Variants in ANO3 observed in about 807,000 individuals in gnomAD.
The protein encoded by ANO3 is anoctamin-3.
In ANO3, 99 loss-of-function variants were observed where a neutral mutation model predicts 144.8. The ratio of observed to expected loss-of-function variants is 0.68; its 90% CI spans 0.58 to 0.81. The LOEUF (loss-of-function observed/expected upper bound fraction) is 0.81, where lower values mean the gene tolerates loss of function less well. ANO3 is among the 30% of genes least tolerant of loss of function. ANO3 has a pLI of 0.00. For synonymous variants in ANO3, 414 were observed against 392.6 expected, an observed-to-expected ratio of 1.05 and a Z score of -0.64; for missense variants, 905 against 1,202.2, an observed-to-expected ratio of 0.75 and a Z score of 3.66.
At chr11:26,393,114 A>G (rs2133964701) in intron 1 of ANO3, among the ~76,000 whole-genome samples, 1 of 152,300 alleles carries the variant, frequency 6.6e-6, no homozygotes, top group Admixed American at 6.5e-5. Context: ...GCCATGGCTG[A>G]TTGAAGCAAC....
intron 24 of ANO3, among the ~76,000 whole-genome samples, chr11:26,652,636 G>C (rs10734382): frequency 0.87 from 132,403 of 152,150 alleles, 58,047 homozygotes; most frequent in Middle Eastern, 0.94. Flanking sequence ...TGCTTTTATT[G>C]TTCTAGTCAA....
intron 21 of ANO3, 36 bp downstream of exon 21, chr11:26,639,277 G>A: frequency 6.6e-7 from 1 of 1,524,326 alleles, no homozygotes; most frequent in Non-Finnish European, 9.1e-7. Context: ...CTTATGTCTA[G>A]TTACAAAGAG....
chr11:26,441,279 G>A (rs376229677), intron 1 of ANO3, among the ~76,000 whole-genome samples: 3 of 150,956 alleles, frequency 2.0e-5, no homozygotes, highest in Admixed American at 1.3e-4. Context: ...CACTACGCCC[G>A]GCTAATTTTT....
intron 14 of ANO3, among the ~76,000 whole-genome samples, chr11:26,587,892 G>A (rs1851332284): frequency 1.3e-5 from 2 of 149,660 alleles, no homozygotes; most frequent in Non-Finnish European, 3.0e-5. Flanking sequence ...AGAGGCAGAG[G>A]TTGCAGTGAG....
At chr11:26,643,363 CGTTG>C in intron 23 of ANO3, 29 bp downstream of exon 23, 1 of 1,612,374 alleles carries the variant, frequency 6.2e-7, no homozygotes, top group East Asian at 2.2e-5. Context: ...ATGATTTTTA[CGTTG>C]CTAACACCAA....
intron 1 of ANO3, among the ~76,000 whole-genome samples, chr11:26,396,993 G>GA (rs907134395): frequency 3.3e-5 from 5 of 149,636 alleles, no homozygotes; most frequent in Non-Finnish European, 4.5e-5. Flanking sequence ...ACCTCTCACA[G>GA]AAAAAAAACA....
At chr11:26,233,369 A>G (rs1316227299) in intron 1 of ANO3, among the ~76,000 whole-genome samples, 1 of 152,240 alleles carries the variant, frequency 6.6e-6, no homozygotes, top group African/African-American at 2.4e-5. Flanking sequence ...CATTAGAGAA[A>G]TGCAAATCAA....
At chr11:26,228,699 A>G (rs1852311888) in intron 1 of ANO3, among the ~76,000 whole-genome samples, 1 of 152,176 alleles carries the variant, frequency 6.6e-6, no homozygotes, top group Non-Finnish European at 1.5e-5. Context: ...ACAGGGCAAA[A>G]TTAGGCCTTT....
chr11:26,563,399 G>C (rs1384729060), intron 14 of ANO3: 1,518 of 113,148 alleles, frequency 0.013, 2 homozygotes, highest in Non-Finnish European at 0.015. Flanking sequence ...CTCTCTCTGT[G>C]TGTGTGTGTG....
chr11:26,351,729 G>A (rs1014686736), intron 1 of ANO3, among the ~76,000 whole-genome samples: 1 of 152,194 alleles, frequency 6.6e-6, no homozygotes, highest in African/African-American at 2.4e-5. Context: ...GAAACTTGGT[G>A]ATTGGTAAAA....
At chr11:26,460,419 A>AG (rs11288749) in intron 3 of ANO3, among the ~76,000 whole-genome samples, 3,479 of 113,898 alleles carry the variant, frequency 0.031, 67 homozygotes, top group East Asian at 0.081. Flanking sequence ...AGAAGAAGAA[A>AG]GGGGGGGGGG....
chr11:26,445,246 T>A (rs946523173), intron 3 of ANO3, among the ~76,000 whole-genome samples: 5 of 152,146 alleles, frequency 3.3e-5, no homozygotes, highest in African/African-American at 1.2e-4. Flanking sequence ...TTTTCTAATT[T>A]AAAAAATAAG....
chr11:26,275,303 A>G (rs765672847), intron 1 of ANO3, among the ~76,000 whole-genome samples: 8 of 152,142 alleles, frequency 5.3e-5, no homozygotes, highest in Non-Finnish European at 8.8e-5. Flanking sequence ...AAAAGAAGAG[A>G]AAATAAAGAC....
intron 23 of ANO3, among the ~76,000 whole-genome samples, 198 bp downstream of exon 23, chr11:26,643,532 G>C (rs1853239915): frequency 6.6e-6 from 1 of 152,060 alleles, no homozygotes. Flanking sequence ...GAGGTGGGCA[G>C]TTCACCTGAG....
intron 17 of ANO3, among the ~76,000 whole-genome samples, chr11:26,608,383 T>A (rs1851995266): frequency 6.6e-6 from 1 of 152,126 alleles, no homozygotes; most frequent in Non-Finnish European, 1.5e-5. Context: ...GCATAGGGTG[T>A]CTGACAACCC....
chr11:26,535,847 T>C (rs562125058), intron 9 of ANO3, among the ~76,000 whole-genome samples: 2 of 151,872 alleles, frequency 1.3e-5, no homozygotes, highest in Admixed American at 1.3e-4. Context: ...CCTCCCAAAG[T>C]GCTGGGATTA....
At chr11:26,267,722 C>T (rs1265565701) in intron 1 of ANO3, among the ~76,000 whole-genome samples, 1 of 152,072 alleles carries the variant, frequency 6.6e-6, no homozygotes, top group Non-Finnish European at 1.5e-5. Flanking sequence ...TTAAATTTGC[C>T]AATTTTCTTG....
chr11:26,198,329 G>A (rs1426571470), intron 1 of ANO3, among the ~76,000 whole-genome samples: 1 of 152,058 alleles, frequency 6.6e-6, no homozygotes, highest in Non-Finnish European at 1.5e-5. Flanking sequence ...CATCTTCCAT[G>A]CTATGGACTT....
intron 1 of ANO3, among the ~76,000 whole-genome samples, chr11:26,273,298 G>C (rs1853486660): frequency 6.6e-6 from 1 of 150,704 alleles, no homozygotes; most frequent in Non-Finnish European, 1.5e-5. Context: ...AGCACCGAAG[G>C]CATCCAAGTG....
Sources: gnomAD v4.1 joint callset for allele counts (sites outside exome capture counted in the v4.1 genomes callset) on GRCh38, gnomAD v4.1.1 for gene constraint, MANE v1.5 for transcripts, NCBI Gene and HGNC (gene_info 2026-07-23, HGNC 2026-07-21) for gene names.